Variants in NIBAN1 observed in about 807,000 individuals in gnomAD.
The protein encoded by NIBAN1 is niban apoptosis regulator 1.
Under a neutral mutation model 75.1 loss-of-function variants are expected in NIBAN1, and 81 were observed. The ratio of observed to expected loss-of-function variants is 1.08; its 90% CI spans 0.90 to 1.30. The LOEUF is 1.30. Among genes scored for constraint, NIBAN1 ranks in the 50% most tolerant of loss-of-function variants. The pLI is 0.00. For synonymous variants in NIBAN1, 436 were observed against 424.8 expected, an observed-to-expected ratio of 1.03 and a Z score of -0.32; for missense variants, 1,133 against 1,128.1, an observed-to-expected ratio of 1.00 and a Z score of -0.06.
At chr1:184,936,698 CGT>C (rs1415169805) in intron 1 of NIBAN1, among the ~76,000 whole-genome samples, 3 of 151,748 alleles carry the variant, frequency 2.0e-5, no homozygotes, top group African/African-American at 7.3e-5. Context: ...TGCGTGCGTG[CGT>C]GTGTGTGTGC....
intron 1 of NIBAN1, among the ~76,000 whole-genome samples, chr1:184,913,137 G>GTATATA (rs56098797): frequency 2.7e-5 from 3 of 109,750 alleles, no homozygotes; most frequent in African/African-American, 1.0e-4. Flanking sequence ...TATCATGCAG[G>GTATATA]TATATATATA....
chr1:184,898,648 T>C (rs1006690050), intron 2 of NIBAN1, among the ~76,000 whole-genome samples: 13 of 152,188 alleles, frequency 8.5e-5, no homozygotes, highest in African/African-American at 3.1e-4. Flanking sequence ...TATTTCTTTT[T>C]AGCATTTATT....
chr1:184,868,560 T>C (rs1264246757), intron 5 of NIBAN1: 3 of 152,216 alleles, frequency 2.0e-5, no homozygotes, highest in African/African-American at 2.4e-5. Context: ...CACAACTTCA[T>C]GTTTAAAAGC....
Position 184,911,062 on chromosome 1 carries a change from T to TACACAC in NIBAN1, c.56-11759_56-11754dup, listed in dbSNP as rs35550596. ...GTGTGGGCCAATTCTTTATAACAAA[T>TACACAC]ACACACACACACACACACACACACA... On this transcript the variant is annotated intron_variant, in intron 1 of 13. Coordinates refer to ENST00000367511, the MANE Select transcript of NIBAN1 (RefSeq NM_052966.4). Among the ~76,000 whole-genome samples the TACACAC allele has an allele frequency of 3.5e-3, 502 of 144,430 alleles. 5 individuals are homozygous for TACACAC. The highest frequency in any genetic ancestry group is 0.012 in the African/African-American group (475 of 39,506). The allele number at this position is 144,430 out of a possible 152,430, so 94.8% of individuals were successfully genotyped here.
intron 1 of NIBAN1, among the ~76,000 whole-genome samples, chr1:184,915,745 T>C (rs1246906998): frequency 6.6e-6 from 1 of 152,080 alleles, no homozygotes; most frequent in Non-Finnish European, 1.5e-5. Flanking sequence ...GTAATTTGAA[T>C]AACAGATATA....
Position 184,920,590 on chromosome 1 carries a change from C to A in NIBAN1, c.56-21281G>T, listed in dbSNP as rs1057437843. ...TTAGTAACCACTACTCTACTCTCCA[C>A]TTCTATGAGATGAACTTTTTTAAGC... On this transcript the variant is annotated intron_variant, in intron 1 of 13. Coordinates refer to ENST00000367511, the MANE Select transcript of NIBAN1 (RefSeq NM_052966.4). Among the ~76,000 whole-genome samples the A allele has an allele frequency of 5.3e-5, 8 of 152,276 alleles. No homozygotes were observed. In the South Asian group the frequency reaches 1.7e-3, roughly 32 times the overall value.
At chr1:184,833,460 C>T (rs1256970418) in intron 5 of NIBAN1, among the ~76,000 whole-genome samples, 1 of 151,968 alleles carries the variant, frequency 6.6e-6, no homozygotes, top group East Asian at 1.9e-4. Flanking sequence ...GTAATTCCAA[C>T]ACTTTGGGAG....
At chr1:184,809,437 A>G (rs1290381992) in intron 9 of NIBAN1, among the ~76,000 whole-genome samples, 2 of 152,206 alleles carry the variant, frequency 1.3e-5, no homozygotes, top group African/African-American at 4.8e-5. Context: ...TGATAGCAGT[A>G]TGGGGGAGAA....
At chr1:184,970,169 C>CAA (rs540891439) in intron 1 of NIBAN1, among the ~76,000 whole-genome samples, 15 of 71,512 alleles carry the variant, frequency 2.1e-4, no homozygotes, top group Admixed American at 9.9e-4. Context: ...GACCCTGTCT[C>CAA]AAAAAAAAAA....
At chr1:184,932,341 C>T (rs914978117) in intron 1 of NIBAN1, among the ~76,000 whole-genome samples, 3 of 152,142 alleles carry the variant, frequency 2.0e-5, no homozygotes, top group East Asian at 1.9e-4. Context: ...TGCAACTAGA[C>T]GGTCCCATCT....
chr1:184,816,074 T>A (rs1654523282), intron 9 of NIBAN1, among the ~76,000 whole-genome samples: 1 of 152,184 alleles, frequency 6.6e-6, no homozygotes, highest in Non-Finnish European at 1.5e-5. Flanking sequence ...ATTATAAAAA[T>A]CCAGCTGTAG....
At chr1:184,910,661 T>C (rs1053579785) in intron 1 of NIBAN1, among the ~76,000 whole-genome samples, 19 of 152,174 alleles carry the variant, frequency 1.2e-4, no homozygotes, top group African/African-American at 4.3e-4. Context: ...AAAGATGTTT[T>C]GATGATTAAT....
intron 8 of NIBAN1, among the ~76,000 whole-genome samples, chr1:184,819,166 A>G (rs1269502422): frequency 1.3e-5 from 2 of 152,210 alleles, no homozygotes; most frequent in Non-Finnish European, 2.9e-5. Context: ...CACTATCATT[A>G]AATATGCACA....
chr1:184,794,827 T>C lies in NIBAN1; in HGVS notation c.*150A>G. On this transcript the variant is annotated 3_prime_UTR_variant, in exon 14 of 14. Coordinates refer to ENST00000367511, the MANE Select transcript of NIBAN1 (RefSeq NM_052966.4). ...GTCCACAAAGGTTTGCCTCAGTTGCTCATGCCCTGTATGCATTTCCTCTGG... is the reference window on the plus strand; with the variant it reads ...GTCCACAAAGGTTTGCCTCAGTTGCCCATGCCCTGTATGCATTTCCTCTGG... 1.0e-6 allele frequency: 1 copy of C among 1,004,728 alleles called. No individual in the cohort carries two copies. The highest frequency in any genetic ancestry group is 1.5e-6 in the Non-Finnish European group (1 of 662,704). The allele number at this position is 1,004,728 out of a possible 1,614,324, so 62.2% of individuals were successfully genotyped here.
rs1414879226 is a variant in NIBAN1 at position 184,795,874 on chromosome 1, G to A, written c.1890C>T (p.Val630=). ...QESEEEKQPE[V]PSSLAKGESL... is the part of the protein sequence containing the mutation. ...TTTCTCCTTTGGCCAACGAGCTAGG[G>A]ACCTCAGGCTGCTTCTCTTCCTCTG... Residue 630 remains valine (V), a synonymous_variant, in exon 14 of 14, where the codon GTC becomes GTT. Transcript: ENST00000367511. 1 of 1,613,160 alleles carries A rather than the reference G, an allele frequency of 6.2e-7. No homozygotes were observed. The highest frequency in any genetic ancestry group is 8.5e-7 in the Non-Finnish European group (1 of 1,179,456).
At chr1:184,798,240 G>C (rs755296466) in intron 12 of NIBAN1, 50 bp from the exon 13 acceptor site, 1 of 1,134,486 alleles carries the variant, frequency 8.8e-7, no homozygotes, top group African/African-American at 1.5e-5. Context: ...TGAGATGCCT[G>C]TTCTTAGAGG....
At chr1:184,915,332 A>G (rs1657357007) in intron 1 of NIBAN1, among the ~76,000 whole-genome samples, 1 of 152,264 alleles carries the variant, frequency 6.6e-6, no homozygotes, top group African/African-American at 2.4e-5. Context: ...ATTGTAATGA[A>G]GAATAAATCT....
intron 5 of NIBAN1, among the ~76,000 whole-genome samples, chr1:184,840,928 C>T (rs1309142698): frequency 1.3e-5 from 2 of 150,682 alleles, no homozygotes; most frequent in Non-Finnish European, 3.0e-5. Flanking sequence ...TGCCTTAAAA[C>T]ATGTTCAATT....
At position 184,795,797 on chromosome 1, in the gene NIBAN1, A is replaced by G. The variant is rs199702370; in HGVS notation, c.1967T>C (p.Ile656Thr). 6.2e-7 allele frequency: 1 copy of G among 1,610,976 alleles called. No individual in the cohort carries two copies. The highest frequency in any genetic ancestry group is 1.3e-5 in the African/African-American group (1 of 74,972). The change falls in exon 14 of 14, where the codon ATT (isoleucine) becomes ACT (threonine). Residue 656 changes from isoleucine (I) to threonine (T), a missense_variant. Physicochemically the swap from Ile to Thr is moderately conservative, Grantham distance 89. Transcript: ENST00000367511. Reference sequence around the variant, plus strand: ...CACGGGGTCATCCACTCTTGAAATAATCACCTGCTCAGTCCCATCTGGGGG... The same window carrying G: ...CACGGGGTCATCCACTCTTGAAATAGTCACCTGCTCAGTCCCATCTGGGGG... ...SPPPDGTEQV[I>T]ISRVDDPVVN...
Sources: allele counts gnomAD v4.1 joint callset (sites outside exome capture counted in the v4.1 genomes callset), GRCh38; gene constraint gnomAD v4.1.1; transcripts MANE v1.5; gene names NCBI Gene and HGNC (gene_info 2026-07-23, HGNC 2026-07-21).